The following ARHGAP35 variants were observed in gnomAD, a reference collection of about 807,000 sequenced individuals.
ARHGAP35 encodes Rho GTPase activating protein 35, also known as rho GTPase-activating protein 35.
A neutral mutation model predicts 111.1 loss-of-function variants in ARHGAP35; 15 were observed. That is an observed-to-expected ratio of 0.13 (90% CI 0.09 to 0.21). The LOEUF (loss-of-function observed/expected upper bound fraction) is 0.21. ARHGAP35 is among the 10% of genes least tolerant of loss of function. The pLI is 1.00. For missense variants in ARHGAP35, 1,262 were observed against 1,873.0 expected (o/e 0.67, Z 6.02); for synonymous variants, 643 against 710.3 (o/e 0.91, Z 1.51).
chr19:46,891,930 C>T (rs770716667), intron 1 of ARHGAP35, among the ~76,000 whole-genome samples: 11 of 151,696 alleles, frequency 7.3e-5, no homozygotes, highest in South Asian at 2.1e-4. Flanking sequence ...TGCTTGAGTT[C>T]AGGAGTTCGA....
At chr19:46,944,502 C>G (rs1013071948) in intron 3 of ARHGAP35, among the ~76,000 whole-genome samples, 1 of 152,126 alleles carries the variant, frequency 6.6e-6, no homozygotes, top group African/African-American at 2.4e-5. Context: ...TGTTCCGCAG[C>G]TCATTGTCTG....
chr19:46,969,498 G>A (rs572960275), intron 3 of ARHGAP35, among the ~76,000 whole-genome samples: 3 of 152,076 alleles, frequency 2.0e-5, no homozygotes, highest in Admixed American at 6.6e-5. Context: ...ACACTCTGTC[G>A]GACTGCTTGA....
At chr19:46,965,038 C>T (rs747661027) in intron 3 of ARHGAP35, among the ~76,000 whole-genome samples, 2 of 152,130 alleles carry the variant, frequency 1.3e-5, no homozygotes, top group Non-Finnish European at 2.9e-5. Context: ...TTAGGCCAGG[C>T]GCGGTGGCTC....
chr19:46,869,543 A>G (rs2055876950), intron 1 of ARHGAP35, among the ~76,000 whole-genome samples: 1 of 151,006 alleles, frequency 6.6e-6, no homozygotes, highest in South Asian at 2.1e-4. Flanking sequence ...ATATAGTTGC[A>G]TTGTGCTTTT....
chr19:47,000,994 C>T lies in ARHGAP35; in HGVS notation c.*306C>T, dbSNP rs1448173658. The T allele has an allele frequency of 2.0e-6, 3 of 1,481,888 alleles. No individual in the cohort carries two copies. In the East Asian group the frequency reaches 8.3e-5, roughly 41 times the overall value. 91.8% of individuals were successfully genotyped at this position (1,481,888 alleles called of 1,614,324 possible). On this transcript the variant is annotated 3_prime_UTR_variant, in exon 7 of 7. Coordinates refer to ENST00000672722, the MANE Select transcript of ARHGAP35 (RefSeq NM_004491.5). The surrounding 1 kb of genome is among the most constrained non-coding windows in gnomAD (Gnocchi z 6.9). Reference sequence around the variant, plus strand: ...ACCCCACGTAGCTGCTCACACCAGCCTCCGGGTGCCTCCCTCTGCTTGTAC... The same window carrying T: ...ACCCCACGTAGCTGCTCACACCAGCTTCCGGGTGCCTCCCTCTGCTTGTAC...
At chr19:46,944,864 T>G (rs2056369490) in intron 3 of ARHGAP35, among the ~76,000 whole-genome samples, 1 of 152,206 alleles carries the variant, frequency 6.6e-6, no homozygotes, top group South Asian at 2.1e-4. Context: ...TCCTACATTG[T>G]GAGGGAAATT....
At chr19:46,877,398 A>T (rs1404064969) in intron 1 of ARHGAP35, among the ~76,000 whole-genome samples, 2 of 151,732 alleles carry the variant, frequency 1.3e-5, no homozygotes, top group Non-Finnish European at 2.9e-5. Context: ...CCCTGTCTCT[A>T]CTAAAAATAC....
At chr19:46,987,896 CTTTCCCTGGCTT>C in intron 3 of ARHGAP35, 81 bp from the exon 4 acceptor site, 1 of 1,292,730 alleles carries the variant, frequency 7.7e-7, no homozygotes, top group Non-Finnish European at 1.1e-6. Context: ...ACCTCATGGA[CTTTCCCTGGCTT>C]TCTCCTTGTC....
chr19:46,873,818 G>A (rs956168940), intron 1 of ARHGAP35, among the ~76,000 whole-genome samples: 3 of 151,350 alleles, frequency 2.0e-5, no homozygotes, highest in Non-Finnish European at 4.4e-5. Flanking sequence ...GCACGATCTC[G>A]GCTCACTGCA....
chr19:46,950,725 C>T (rs1477301600), intron 3 of ARHGAP35, among the ~76,000 whole-genome samples: 1 of 152,156 alleles, frequency 6.6e-6, no homozygotes, highest in East Asian at 1.9e-4. Context: ...GCTGGCCCTC[C>T]ATTACCTCGC....
At chr19:46,961,909 G>A (rs760329016) in intron 3 of ARHGAP35, among the ~76,000 whole-genome samples, 19 of 151,992 alleles carry the variant, frequency 1.3e-4, no homozygotes, top group Non-Finnish European at 2.8e-4. Flanking sequence ...CAGCCTGTGT[G>A]ACAGAGTGAG....
In ARHGAP35 at chr19:47,000,210, C is replaced by G. The variant is rs2056738561; in HGVS notation, c.4143-121C>G. Reference sequence around the variant, plus strand: ...GCAGGGTACAGAGAGCTGCGCATGGCCTTTTCTGCTCCACCTGAGGGAAGA... The same window carrying G: ...GCAGGGTACAGAGAGCTGCGCATGGGCTTTTCTGCTCCACCTGAGGGAAGA... On this transcript the variant is annotated intron_variant, in intron 6 of 6. Transcript: ENST00000672722. The surrounding 1 kb of genome is among the most constrained non-coding windows in gnomAD (Gnocchi z 6.9). The G allele has an allele frequency of 9.4e-7, 1 of 1,061,764 alleles. No homozygotes were observed. Among genetic ancestry groups the G allele is most frequent in the African/African-American group, 1.6e-5 (1 of 63,006 alleles). The allele number at this position is 1,061,764 out of a possible 1,614,324, so 65.8% of individuals were successfully genotyped here. A position where few individuals can be genotyped will look rare whatever the true frequency, so the allele number is the denominator to read the frequency against.
At chr19:46,876,212 A>AT (rs1007989518) in intron 1 of ARHGAP35, among the ~76,000 whole-genome samples, 19 of 146,640 alleles carry the variant, frequency 1.3e-4, no homozygotes, top group Middle Eastern at 3.5e-3. Flanking sequence ...TTTTAATTTA[A>AT]TTTTTTTTTT....
rs1234926148 is a variant in ARHGAP35 at position 46,926,320 on chromosome 19, C to T, written c.3681+3964C>T. Among the ~76,000 whole-genome samples, 3 of 152,172 alleles carry T rather than the reference C, an allele frequency of 2.0e-5. No homozygotes were observed. Among genetic ancestry groups the T allele is most frequent in the East Asian group, 1.9e-4 (1 of 5,198 alleles). ...ACCCACCCTCATAGTGGGAGCCTTC[C>T]GCACTCAGCTGAATGAAATTGAAAA... On this transcript the variant is annotated intron_variant, in intron 2 of 6. Transcript: ENST00000672722. The surrounding 1 kb of genome is among the most constrained non-coding windows in gnomAD (Gnocchi z 4.1).
At position 47,001,454 on chromosome 19, in the gene ARHGAP35, C is replaced by T; in HGVS notation, c.*766C>T. ...GAAAACTACAGACCTCAAGATTCCA[C>T]TCTGTGCCCGCCTCTGCCGGGAGGG... On this transcript the variant is annotated 3_prime_UTR_variant, in exon 7 of 7. Transcript: ENST00000672722. The surrounding 1 kb of genome is among the most constrained non-coding windows in gnomAD (Gnocchi z 5.4). 3.3e-6 allele frequency: 4 copies of T among 1,220,966 alleles called. No homozygotes were observed. Among genetic ancestry groups the T allele is most frequent in the Non-Finnish European group, 3.2e-6 (3 of 927,942 alleles). The allele number at this position is 1,220,966 out of a possible 1,614,324, so 75.6% of individuals were successfully genotyped here.
intron 3 of ARHGAP35, among the ~76,000 whole-genome samples, chr19:46,969,707 A>T (rs1437659763): frequency 6.6e-6 from 1 of 152,220 alleles, no homozygotes; most frequent in Non-Finnish European, 1.5e-5. Context: ...GTGGGGTGTC[A>T]TCAGCTCAGA....
chr19:46,886,903 T>G (rs1028233370), intron 1 of ARHGAP35, among the ~76,000 whole-genome samples: 1 of 152,104 alleles, frequency 6.6e-6, no homozygotes, highest in African/African-American at 2.4e-5. Context: ...ACTTCTTGGG[T>G]TGGTTGGGAT....
In ARHGAP35 at chr19:46,961,823, G is replaced by A. The variant is rs530589969; in HGVS notation, c.3826+24415G>A. ...CGCACACCTGTAGTCCCAACTACTC[G>A]GGAGGCTGAGGCAGGAGAATTGCTT... On this transcript the variant is annotated intron_variant, in intron 3 of 6. Coordinates refer to ENST00000672722, the MANE Select transcript of ARHGAP35 (RefSeq NM_004491.5). Among the ~76,000 whole-genome samples the A allele has an allele frequency of 4.6e-5, 7 of 152,188 alleles. No individual in the cohort carries two copies. In the East Asian group the frequency reaches 9.7e-4, roughly 21 times the overall value.
rs755129329 is a variant in ARHGAP35, at chr19:46,921,294, T to C, written c.2619T>C (p.Phe873=). 3.3e-5 allele frequency: 54 copies of C among 1,613,914 alleles called. 1 individual carries two copies. The South Asian group carries it at 5.8e-4, about 17-fold the overall frequency. ...RKASLAMLRA[F]LCEVQDIIPI... is the part of the protein sequence containing the mutation. ...CCTCTTTGGCTATGTTACGTGCCTT[T>C]CTTTGTGAAGTGCAGGATATTATCC... Residue 873 remains phenylalanine (F), a synonymous_variant, in exon 2 of 7, where the codon TTT becomes TTC. Transcript: ENST00000672722. This position sits in a 1 kb window ranked among gnomAD's most constrained non-coding sequence, Gnocchi z 4.3.
Sources: gnomAD v4.1 joint callset for allele counts (sites outside exome capture counted in the v4.1 genomes callset) on GRCh38, gnomAD v4.1.1 for gene constraint, Gnocchi (gnomAD v3.1) non-coding constraint, MANE v1.5 for transcripts, NCBI Gene and HGNC (gene_info 2026-07-23, HGNC 2026-07-21) for gene names.